SAP130: variants seen among roughly 807,000 people sequenced by gnomAD.
The protein encoded by SAP130 is histone deacetylase complex subunit SAP130.
In SAP130, 16 loss-of-function variants were observed where a neutral mutation model predicts 103.2. The ratio of observed to expected loss-of-function variants is 0.16; its 90% CI spans 0.10 to 0.24. SAP130 has a LOEUF of 0.24. SAP130 is among the 10% of genes least tolerant of loss of function. The pLI, the probability that SAP130 is intolerant of heterozygous loss-of-function variation, is 1.00. For missense variants in SAP130, 990 were observed against 1,359.7 expected, an observed-to-expected ratio of 0.73 and a Z score of 4.28; for synonymous variants, 477 against 497.0, an observed-to-expected ratio of 0.96 and a Z score of 0.53.
At chr2:128,010,489 G>T in intron 6 of SAP130, 96 bp from the exon 7 acceptor site, 2 of 1,132,740 alleles carry the variant, frequency 1.8e-6, no homozygotes, top group Non-Finnish European at 2.5e-6. Flanking sequence ...CTACAGATAA[G>T]CATGTTTCTG....
rs951342846 is a variant in SAP130, at chr2:128,017,692, C to T, written c.336G>A (p.Glu112=). 3.7e-6 allele frequency: 6 copies of T among 1,614,072 alleles called. No homozygotes were observed. The highest frequency in any genetic ancestry group is 1.3e-5 in the African/African-American group (1 of 74,942). The change falls in exon 3 of 21, where the codon GAG becomes GAA. Residue 112 remains glutamate (E), a synonymous_variant. Transcript: ENST00000643581. The stretch of plus-strand genomic sequence containing the variant: ...CCCTCTCCATTACCTTCATAAGTCC[C>T]TCCGAAAATGAAAGTGGCACTGCTG... ...LTPAVPLSFS[E]GLMKPPPKPT... is the part of the protein sequence containing the mutation.
chr2:127,976,561 A>T (rs1203952295), intron 15 of SAP130, among the ~76,000 whole-genome samples: 1 of 152,238 alleles, frequency 6.6e-6, no homozygotes, highest in Non-Finnish European at 1.5e-5. Flanking sequence ...ACTATTACTG[A>T]TATAAGTAAA....
At chr2:127,972,500 G>A (rs1019902482) in intron 15 of SAP130, among the ~76,000 whole-genome samples, 2 of 152,138 alleles carry the variant, frequency 1.3e-5, no homozygotes, top group Admixed American at 6.5e-5. Flanking sequence ...GCTCACCCCT[G>A]TAATCCCAGC....
At chr2:128,001,381 A>C (rs1683549222) in intron 7 of SAP130, among the ~76,000 whole-genome samples, 1 of 152,212 alleles carries the variant, frequency 6.6e-6, no homozygotes, top group South Asian at 2.1e-4. Flanking sequence ...AATAAAATAA[A>C]ATGCAAAGAA....
intron 11 of SAP130, among the ~76,000 whole-genome samples, chr2:127,994,922 G>C (rs1386330075): frequency 6.6e-6 from 1 of 152,176 alleles, no homozygotes; most frequent in Non-Finnish European, 1.5e-5. Flanking sequence ...AACATTTAGA[G>C]CTAACAGGAG....
intron 15 of SAP130, among the ~76,000 whole-genome samples, chr2:127,977,639 A>G (rs1330478523): frequency 2.0e-5 from 3 of 152,240 alleles, no homozygotes; most frequent in Non-Finnish European, 4.4e-5. Flanking sequence ...TATGAGGTAG[A>G]TGTTATAGGA....
intron 7 of SAP130, among the ~76,000 whole-genome samples, chr2:128,008,738 T>C (rs1239138497): frequency 1.3e-5 from 2 of 151,814 alleles, no homozygotes; most frequent in Admixed American, 6.6e-5. Flanking sequence ...CCAGCTGGAA[T>C]GCAGTGACAT....
chr2:128,013,874 T>G (rs1442590272), intron 5 of SAP130, among the ~76,000 whole-genome samples: 2 of 152,214 alleles, frequency 1.3e-5, no homozygotes, highest in Admixed American at 1.3e-4. Context: ...GAAACCAGCC[T>G]GGGTAACCCA....
At chr2:127,963,505 A>G (rs1680408745) in intron 15 of SAP130, among the ~76,000 whole-genome samples, 1 of 152,224 alleles carries the variant, frequency 6.6e-6, no homozygotes, top group Non-Finnish European at 1.5e-5. Flanking sequence ...TACTGGGATT[A>G]CAGGTGTCAG....
intron 16 of SAP130, among the ~76,000 whole-genome samples, chr2:127,951,913 G>T (rs1308926557): frequency 1.3e-5 from 2 of 152,130 alleles, no homozygotes; most frequent in African/African-American, 2.4e-5. Flanking sequence ...AAAGATAGAT[G>T]CAATCACAAG....
chr2:128,008,681 T>C (rs931872934), intron 7 of SAP130, among the ~76,000 whole-genome samples: 2 of 151,438 alleles, frequency 1.3e-5, no homozygotes, highest in Admixed American at 6.6e-5. Context: ...TAAATCCTTT[T>C]CCTGTTTGTT....
intron 7 of SAP130, among the ~76,000 whole-genome samples, chr2:128,005,572 G>A (rs975234819): frequency 3.3e-5 from 5 of 151,584 alleles, no homozygotes; most frequent in South Asian, 4.2e-4. Context: ...CTGAGACCGC[G>A]CCACTGAACT....
chr2:127,981,474 AC>A (rs1172285483), intron 14 of SAP130, among the ~76,000 whole-genome samples: 11 of 102,312 alleles, frequency 1.1e-4, no homozygotes, highest in Non-Finnish European at 1.7e-4. Context: ...GTCCTCCTGC[AC>A]CCCCGACTCA....
chr2:127,980,601 A>T (rs190125513), intron 14 of SAP130, among the ~76,000 whole-genome samples: 1 of 152,352 alleles, frequency 6.6e-6, no homozygotes, highest in East Asian at 1.9e-4. Context: ...AAGCAACCCA[A>T]ATAACCATGG....
intron 10 of SAP130, among the ~76,000 whole-genome samples, chr2:127,997,721 G>C (rs1573781822): frequency 6.6e-6 from 1 of 152,298 alleles, no homozygotes; most frequent in South Asian, 2.1e-4. Flanking sequence ...GCTTCCAGTA[G>C]GAATGAAGCT....
At chr2:127,954,600 T>C (rs931462451) in intron 16 of SAP130, among the ~76,000 whole-genome samples, 4 of 152,210 alleles carry the variant, frequency 2.6e-5, no homozygotes, top group Middle Eastern at 3.2e-3. Flanking sequence ...CTTGATTGTA[T>C]AACAAGGCAA....
intron 7 of SAP130, among the ~76,000 whole-genome samples, chr2:128,008,917 T>C (rs13000754): frequency 6.6e-6 from 1 of 152,086 alleles, no homozygotes; most frequent in Non-Finnish European, 1.5e-5. Context: ...ACTCCTGGAC[T>C]CCGGTGATCC....
At chr2:127,990,811 C>T (rs1682735372) in intron 12 of SAP130, among the ~76,000 whole-genome samples, 1 of 151,780 alleles carries the variant, frequency 6.6e-6, no homozygotes, top group African/African-American at 2.4e-5. Flanking sequence ...CATCATAACA[C>T]ATGCCTGTGG....
chr2:128,027,143 G>A, intron 1 of SAP130: 1 of 1,368,046 alleles, frequency 7.3e-7, no homozygotes, highest in Non-Finnish European at 9.6e-7. Flanking sequence ...CGCCGGCCTG[G>A]GGGTGCCGCG....
Sources: allele counts gnomAD v4.1 joint callset (sites outside exome capture counted in the v4.1 genomes callset), GRCh38; gene constraint gnomAD v4.1.1; transcripts MANE v1.5; gene names NCBI Gene and HGNC (gene_info 2026-07-23, HGNC 2026-07-21).